Variants in ADARB2 observed in about 807,000 individuals in gnomAD.
ADARB2 encodes the protein inactive double-stranded RNA-specific editase B2.
A neutral mutation model predicts 62.2 loss-of-function variants in ADARB2; 25 were observed. That is an observed-to-expected ratio of 0.40 (90% confidence interval 0.29 to 0.56). ADARB2 has a LOEUF of 0.56. Among genes scored for constraint, ADARB2 ranks in the 20% least tolerant of loss-of-function variants. ADARB2 has a pLI of 0.43. For missense variants in ADARB2, 1,071 were observed against 1,077.4 expected (o/e 0.99, Z 0.08); for synonymous variants, 572 against 500.8 (o/e 1.14, Z -1.90).
intron 1 of ADARB2, among the ~76,000 whole-genome samples, chr10:1,529,283 C>A (rs372390107): frequency 8.1e-6 from 1 of 124,108 alleles, no homozygotes; most frequent in African/African-American, 2.7e-5. Flanking sequence ...ATCCTCCAAT[C>A]AGTCCATGCA....
chr10:1,204,982 T>G (rs1222327130), intron 7 of ADARB2, among the ~76,000 whole-genome samples: 1 of 152,228 alleles, frequency 6.6e-6, no homozygotes, highest in Non-Finnish European at 1.5e-5. Flanking sequence ...TGCACCTGCC[T>G]TGAGCCTCTG....
At chr10:1,558,638 TGCCCCCCTCCGTGGGTGCTC>T in intron 1 of ADARB2, among the ~76,000 whole-genome samples, 1 of 133,986 alleles carries the variant, frequency 7.5e-6, no homozygotes, top group African/African-American at 2.9e-5. Context: ...ATCCCACCTC[TGCCCCCCTCCGTGGGTGCTC>T]AGCACCCCCA....
At chr10:1,540,909 G>T (rs1442384017) in intron 1 of ADARB2, among the ~76,000 whole-genome samples, 2 of 61,888 alleles carry the variant, frequency 3.2e-5, no homozygotes, top group African/African-American at 1.3e-4. Context: ...CCACTCAGAT[G>T]TAGTTCAGAC....
chr10:1,712,963 G>A (rs1323317590), intron 1 of ADARB2, among the ~76,000 whole-genome samples: 1 of 152,104 alleles, frequency 6.6e-6, no homozygotes, highest in East Asian at 1.9e-4. Flanking sequence ...CTAACACGAA[G>A]CTCCTTAGTC....
chr10:1,372,557 T>C (rs2805501), intron 2 of ADARB2, among the ~76,000 whole-genome samples: 141,273 of 152,130 alleles, frequency 0.93, 66,508 homozygotes, highest in Non-Finnish European at 1. Context: ...CACTGTAAGC[T>C]GCCAACACCT....
rs1564248767 is a variant in ADARB2 at position 1,293,202 on chromosome 10, A to AG, written c.1078-22134_1078-22133insC. Among the ~76,000 whole-genome samples the AG allele has an allele frequency of 3.9e-3, 160 of 41,476 alleles. 2 individuals are homozygous for AG. Among genetic ancestry groups the AG allele is most frequent in the Non-Finnish European group, 5.5e-3 (105 of 19,086 alleles). The allele number at this position is 41,476 out of a possible 152,430, so 27.2% of individuals were successfully genotyped here. On this transcript the variant is annotated intron_variant, in intron 3 of 9. Coordinates refer to ENST00000381312, the MANE Select transcript of ADARB2 (RefSeq NM_018702.4). ...GGGAGAGAAAGACAGGAATAGAAAA[A>AG]AGAGGGAGGGAGGGAGAGAGGGACG...
chr10:1,393,685 C>T (rs747206340), intron 1 of ADARB2, among the ~76,000 whole-genome samples: 4 of 152,208 alleles, frequency 2.6e-5, no homozygotes, highest in South Asian at 2.1e-4. Context: ...TTATGCACCA[C>T]GCTCCAGCTA....
chr10:1,585,805 T>C (rs557691878), intron 1 of ADARB2, among the ~76,000 whole-genome samples: 56 of 152,204 alleles, frequency 3.7e-4, no homozygotes, highest in East Asian at 5.8e-4. Context: ...GAGGCCAAGG[T>C]GGGCAGATCA....
intron 1 of ADARB2, among the ~76,000 whole-genome samples, chr10:1,393,237 G>A (rs1487582986): frequency 2.0e-5 from 3 of 152,108 alleles, no homozygotes. Context: ...ATTTTTGTGG[G>A]TACATAGTAG....
chr10:1,543,535 C>G (rs1388182483), intron 1 of ADARB2, among the ~76,000 whole-genome samples: 1 of 152,218 alleles, frequency 6.6e-6, no homozygotes, highest in Non-Finnish European at 1.5e-5. Flanking sequence ...GATCTGCCGT[C>G]CATTGCCGCA....
intron 1 of ADARB2, among the ~76,000 whole-genome samples, chr10:1,698,746 T>C (rs149709124): frequency 5.8e-4 from 88 of 152,292 alleles, no homozygotes; most frequent in African/African-American, 2.0e-3. Context: ...AAGGGGCAAA[T>C]GACTTTTAAA....
At chr10:1,547,573 G>A (rs1008315946) in intron 1 of ADARB2, among the ~76,000 whole-genome samples, 1 of 107,932 alleles carries the variant, frequency 9.3e-6, no homozygotes, top group African/African-American at 3.4e-5. Flanking sequence ...CTGTGGGGAG[G>A]GGGAGAGAGG....
intron 3 of ADARB2, among the ~76,000 whole-genome samples, chr10:1,293,249 G>GGA (rs1831492335): frequency 9.0e-6 from 1 of 111,094 alleles, no homozygotes; most frequent in African/African-American, 4.2e-5. Flanking sequence ...AGGGACGGGG[G>GGA]GAGAGGGACA....
chr10:1,259,013 C>A (rs1439906059), intron 4 of ADARB2, among the ~76,000 whole-genome samples: 1 of 152,214 alleles, frequency 6.6e-6, no homozygotes, highest in African/African-American at 2.4e-5. Context: ...AACTGCTCAA[C>A]TACATGGAAA....
At chr10:1,316,019 T>C (rs1831736075) in intron 3 of ADARB2, among the ~76,000 whole-genome samples, 1 of 152,250 alleles carries the variant, frequency 6.6e-6, no homozygotes, top group African/African-American at 2.4e-5. Flanking sequence ...TCATCCTATC[T>C]GCTTTGCATA....
chr10:1,305,960 A>T (rs1027624684), intron 3 of ADARB2, among the ~76,000 whole-genome samples: 4 of 152,152 alleles, frequency 2.6e-5, no homozygotes, highest in Non-Finnish European at 5.9e-5. Context: ...TGAATGGGCA[A>T]AAACTGGAAG....
At chr10:1,512,043 T>C (rs1326277366) in intron 1 of ADARB2, among the ~76,000 whole-genome samples, 1 of 142,412 alleles carries the variant, frequency 7.0e-6, no homozygotes, top group South Asian at 2.3e-4. Context: ...ACACTGGATG[T>C]CAAGACATGG....
intron 3 of ADARB2, among the ~76,000 whole-genome samples, chr10:1,327,857 G>GCGC: frequency 1.2e-5 from 1 of 86,078 alleles, no homozygotes; most frequent in Non-Finnish European, 2.5e-5. Flanking sequence ...CCTCCTCACA[G>GCGC]CTCAGCGCCT....
intron 1 of ADARB2, among the ~76,000 whole-genome samples, chr10:1,550,166 G>A (rs548427001): frequency 6.8e-4 from 103 of 152,146 alleles, no homozygotes; most frequent in Middle Eastern, 6.8e-3. Context: ...ACCCCTCCCC[G>A]CTGCAGGCTG....
Sources: gnomAD v4.1 joint callset for allele counts (sites outside exome capture counted in the v4.1 genomes callset) on GRCh38, gnomAD v4.1.1 for gene constraint, MANE v1.5 for transcripts, NCBI Gene and HGNC (gene_info 2026-07-23, HGNC 2026-07-21) for gene names.